Variants in ELAVL4 observed in about 807,000 individuals in gnomAD.
The protein encoded by ELAVL4 is ELAV-like protein 4.
ELAVL4 carries 1 observed loss-of-function variant against 35.6 expected under a neutral mutation model. The observed-to-expected ratio is 0.03, with a 90% confidence interval of 0.01 to 0.13. The LOEUF (loss-of-function observed/expected upper bound fraction) is 0.13, where lower values mean the gene tolerates loss of function less well. ELAVL4 is among the 10% of genes least tolerant of loss of function. The pLI is 1.00. For missense variants in ELAVL4, 267 were observed against 464.9 expected (o/e 0.57, Z 3.91); for synonymous variants, 156 against 171.0 (o/e 0.91, Z 0.69).
rs769612010 is a variant in ELAVL4, at chr1:50,193,894, C to A, written c.484C>A (p.Arg162=). 1.2e-4 allele frequency: 197 copies of A among 1,613,916 alleles called. No homozygotes were observed. The highest frequency in any genetic ancestry group is 1.6e-4 in the Non-Finnish European group (193 of 1,179,972). The change falls in exon 4 of 7, where the codon CGA becomes AGA. Residue 162 remains arginine (R), a synonymous_variant. Transcript: ENST00000371824. ...FSQYGRIITS[R]ILVDQVTGVS... ...GCAATACGGCCGTATCATCACCTCACGAATCCTGGTTGATCAAGTCACAGG... is the reference window on the plus strand; with the variant it reads ...GCAATACGGCCGTATCATCACCTCAAGAATCCTGGTTGATCAAGTCACAGG...
intron 1 of ELAVL4, among the ~76,000 whole-genome samples, chr1:50,094,742 C>CAGTAAATA (rs146234147): frequency 2.2e-5 from 3 of 135,522 alleles, no homozygotes; most frequent in African/African-American, 5.7e-5. Context: ...CCTGTCTCTA[C>CAGTAAATA]AATAAATAAA....
At chr1:50,075,840 CAGAG>C (rs768551067) in intron 1 of ELAVL4, among the ~76,000 whole-genome samples, 3 of 151,058 alleles carry the variant, frequency 2.0e-5, no homozygotes, top group East Asian at 1.9e-4. Context: ...GACAGAGAGA[CAGAG>C]AGAGAGAGAG....
chr1:50,048,130 T>C (rs1321441235), exon 1 of ELAVL4: 1 of 1,507,604 alleles, frequency 6.6e-7, no homozygotes, highest in Non-Finnish European at 8.9e-7. Flanking sequence ...CCACCCAGCC[T>C]CCGCAGCCTC....
chr1:50,048,141 G>C (rs952075182), exon 1 of ELAVL4: 3 of 1,517,856 alleles, frequency 2.0e-6, no homozygotes, highest in Non-Finnish European at 2.6e-6. Flanking sequence ...CCGCAGCCTC[G>C]GGCCGGATCG....
chr1:50,066,965 G>T (rs12087915), intron 1 of ELAVL4, among the ~76,000 whole-genome samples: 106 of 152,116 alleles, frequency 7.0e-4, no homozygotes, highest in East Asian at 4.4e-3. Context: ...GAACAGTGCC[G>T]AACAGCTTGA....
At chr1:50,193,693 T>C in intron 3 of ELAVL4, 72 bp from the exon 4 acceptor site, 1 of 1,522,038 alleles carries the variant, frequency 6.6e-7, no homozygotes. Flanking sequence ...GCTGTCATCT[T>C]GGTTGTGGAC....
chr1:50,165,843 T>A (rs1006795561), intron 2 of ELAVL4, among the ~76,000 whole-genome samples: 1 of 151,606 alleles, frequency 6.6e-6, no homozygotes, highest in Non-Finnish European at 1.5e-5. Context: ...TATATATATA[T>A]AAAGGGGAGT....
chr1:50,135,136 C>T (rs1671669725), intron 1 of ELAVL4, among the ~76,000 whole-genome samples: 1 of 152,134 alleles, frequency 6.6e-6, no homozygotes, highest in African/African-American at 2.4e-5. Flanking sequence ...ACTACCACCA[C>T]TGAGAATACT....
At chr1:50,156,409 C>A (rs931066371) in intron 2 of ELAVL4, among the ~76,000 whole-genome samples, 27 of 152,260 alleles carry the variant, frequency 1.8e-4, no homozygotes, top group African/African-American at 6.5e-4. Context: ...TCTCGTAACT[C>A]CTAACCACTT....
intron 2 of ELAVL4, among the ~76,000 whole-genome samples, chr1:50,165,320 C>T (rs1183563872): frequency 1.3e-5 from 2 of 151,864 alleles, no homozygotes; most frequent in African/African-American, 4.8e-5. Flanking sequence ...CTTCAATCAC[C>T]CCAGCCCTTT....
At chr1:50,178,122 G>A (rs1434050933) in intron 3 of ELAVL4, among the ~76,000 whole-genome samples, 8 of 152,150 alleles carry the variant, frequency 5.3e-5, no homozygotes, top group African/African-American at 1.4e-4. Flanking sequence ...TCCAGGCAGC[G>A]TCCTGCTTAG....
intron 1 of ELAVL4, among the ~76,000 whole-genome samples, chr1:50,066,550 C>G (rs1043927889): frequency 6.6e-6 from 1 of 152,106 alleles, no homozygotes; most frequent in Non-Finnish European, 1.5e-5. Flanking sequence ...ACATGGCTGC[C>G]TCAAACTCAG....
intron 2 of ELAVL4, among the ~76,000 whole-genome samples, chr1:50,165,834 A>G (rs1045280881): frequency 1.8e-4 from 27 of 150,900 alleles, no homozygotes; most frequent in African/African-American, 2.7e-4. Flanking sequence ...GTGTGTGTGT[A>G]TATATATATA....
intron 1 of ELAVL4, among the ~76,000 whole-genome samples, chr1:50,076,758 G>A (rs1170009789): frequency 1.3e-5 from 2 of 152,132 alleles, no homozygotes; most frequent in Non-Finnish European, 2.9e-5. Context: ...GAAAGAGAGA[G>A]GGGGAGGGGA....
At chr1:50,197,635 T>A in intron 6 of ELAVL4, 168 bp downstream of exon 6, 1 of 583,526 alleles carries the variant, frequency 1.7e-6, no homozygotes, top group Non-Finnish European at 2.8e-6. Flanking sequence ...TTGATTTTGT[T>A]TCTTTTAGGG....
intron 1 of ELAVL4, among the ~76,000 whole-genome samples, chr1:50,127,377 G>A (rs1417085122): frequency 6.6e-6 from 1 of 152,126 alleles, no homozygotes; most frequent in Non-Finnish European, 1.5e-5. Flanking sequence ...AGGAGAGAGA[G>A]GAGTTGTCTG....
At chr1:50,112,120 C>T (rs1667174670) in intron 1 of ELAVL4, among the ~76,000 whole-genome samples, 1 of 152,010 alleles carries the variant, frequency 6.6e-6, no homozygotes, top group East Asian at 1.9e-4. Context: ...GTTTTCTCTT[C>T]TTATTAGGGG....
chr1:50,112,352 T>G (rs1447666957), intron 1 of ELAVL4, among the ~76,000 whole-genome samples: 1 of 152,138 alleles, frequency 6.6e-6, no homozygotes, highest in Non-Finnish European at 1.5e-5. Context: ...AGTGTCATCT[T>G]GGCTTGGGTT....
Position 50,109,019 on chromosome 1 carries a change from C to CGGGGGGGGGGGG in ELAVL4, c.-171_-170insGGGGGGGGGGGG. The stretch of plus-strand genomic sequence containing the variant: ...CTTTTCTTTTTTTTCTTTCTCTCCC[C>CGGGGGGGGGGGG]CGCCCACCCCCCCAAAAATAATTGA... On this transcript the variant is annotated 5_prime_UTR_variant, in exon 1 of 7. Transcript: ENST00000371824. 1 of 531,408 alleles carries CGGGGGGGGGGGG rather than the reference C, an allele frequency of 1.9e-6. No homozygotes were observed. Among genetic ancestry groups the CGGGGGGGGGGGG allele is most frequent in the Non-Finnish European group, 2.3e-6 (1 of 427,136 alleles). 32.9% of individuals were successfully genotyped at this position (531,408 alleles called of 1,614,324 possible).
Sources: gnomAD v4.1 joint callset for allele counts (sites outside exome capture counted in the v4.1 genomes callset) on GRCh38, gnomAD v4.1.1 for gene constraint, MANE v1.5 for transcripts, NCBI Gene and HGNC (gene_info 2026-07-23, HGNC 2026-07-21) for gene names.